The following RIMS1 variants were observed in gnomAD, a reference collection of about 807,000 sequenced individuals.
RIMS1 encodes the protein regulating synaptic membrane exocytosis protein 1.
Under a neutral mutation model 214.1 loss-of-function variants are expected in RIMS1, and 83 were observed. The observed-to-expected ratio is 0.39, with a 90% CI of 0.32 to 0.47. RIMS1 has a LOEUF of 0.47. Ranked by LOEUF, RIMS1 falls within the 20% of genes least tolerant of loss-of-function variation. The pLI, the probability that RIMS1 is intolerant of heterozygous loss-of-function variation, is 0.99. For synonymous variants in RIMS1, 793 were observed against 786.8 expected (o/e 1.01, Z -0.13); for missense variants, 2,050 against 2,161.8 (o/e 0.95, Z 1.03).
chr6:72,297,212 A>T (rs1006752146), intron 26 of RIMS1, among the ~76,000 whole-genome samples: 4 of 152,018 alleles, frequency 2.6e-5, no homozygotes, highest in African/African-American at 9.7e-5. Flanking sequence ...GATTTTGCAT[A>T]GATTTCTAGC....
chr6:72,258,185 A>G lies in RIMS1; in HGVS notation c.2831A>G (p.Gln944Arg). ...ACAACATTAACTGTGCCAGAACAGCAAAGAACAACTCATCACCGCTCACGT... is the reference window on the plus strand; with the variant it reads ...ACAACATTAACTGTGCCAGAACAGCGAAGAACAACTCATCACCGCTCACGT... ...KSTTLTVPEQ[Q>R]RTTHHRSRSV... is the part of the protein sequence containing the mutation. The change falls in exon 17 of 34, where the codon CAA (glutamine) becomes CGA (arginine). Residue 944 changes from glutamine (Q) to arginine (R), a missense_variant. Gln to Arg is a conservative substitution (Grantham distance 43). Coordinates refer to ENST00000521978, the MANE Select transcript of RIMS1 (RefSeq NM_014989.7). 1.2e-6 allele frequency: 2 copies of G among 1,613,402 alleles called. No individual in the cohort carries two copies. Among genetic ancestry groups the G allele is most frequent in the South Asian group, 1.1e-5 (1 of 91,044 alleles).
At chr6:72,006,373 A>C (rs1036191234) in intron 2 of RIMS1, among the ~76,000 whole-genome samples, 2 of 152,214 alleles carry the variant, frequency 1.3e-5, no homozygotes, top group African/African-American at 4.8e-5. Context: ...CCAAATAGGA[A>C]CAGCTCCAGT....
At chr6:71,912,377 T>C (rs1777176775) in intron 1 of RIMS1, among the ~76,000 whole-genome samples, 1 of 152,150 alleles carries the variant, frequency 6.6e-6, no homozygotes, top group Non-Finnish European at 1.5e-5. Context: ...TATTTCTTGC[T>C]TTGTTGTGTC....
intron 29 of RIMS1, among the ~76,000 whole-genome samples, chr6:72,337,103 G>A (rs1244913184): frequency 3.3e-5 from 5 of 151,730 alleles, no homozygotes; most frequent in East Asian, 1.9e-4. Context: ...AGGGTATGAC[G>A]TAGTAAAGAA....
At chr6:72,367,071 C>T (rs369116535) in intron 29 of RIMS1, among the ~76,000 whole-genome samples, 131 of 151,920 alleles carry the variant, frequency 8.6e-4, no homozygotes, top group East Asian at 5.4e-3. Context: ...ATGCAGTGGA[C>T]GAAATAATTA....
At chr6:72,390,758 G>C in intron 30 of RIMS1, 22 bp downstream of exon 30, 2 of 1,611,734 alleles carry the variant, frequency 1.2e-6, no homozygotes, top group Non-Finnish European at 1.7e-6. Context: ...CAGCACGTCT[G>C]CATGGCTGTG....
At position 72,291,956 on chromosome 6, in the gene RIMS1, A is replaced by G. The variant is rs752719281; in HGVS notation, c.3760A>G (p.Thr1254Ala). ...LTRMHRQRSP[T>A]QSPPADTSFS... is the part of the protein sequence containing the mutation. ...CAGAATGCACCGACAGAGAAGTCCA[A>G]CACAATCTCCTCCAGCAGACACATC... Residue 1254 changes from threonine to alanine, a missense_variant, in exon 26 of 34, where the codon ACA (threonine) becomes GCA (alanine). Physicochemically the swap from Thr to Ala is moderately conservative, Grantham distance 58. This residue lies in a region of RIMS1 where 889 missense variants were observed against 885.5 expected (regional missense o/e 1.00). Transcript: ENST00000521978. 2.6e-5 allele frequency: 41 copies of G among 1,561,434 alleles called. No individual in the cohort carries two copies. In the South Asian group the frequency reaches 3.1e-4, roughly 12 times the overall value.
chr6:72,290,962 C>T, intron 25 of RIMS1, 101 bp downstream of exon 25: 1 of 1,029,974 alleles, frequency 9.7e-7, no homozygotes, highest in Non-Finnish European at 1.4e-6. Flanking sequence ...CATTTTGACA[C>T]CATAACTTTT....
intron 2 of RIMS1, among the ~76,000 whole-genome samples, chr6:72,091,882 G>C (rs1034573934): frequency 6.6e-6 from 1 of 152,024 alleles, no homozygotes; most frequent in Admixed American, 6.6e-5. Flanking sequence ...TTCTAAAATC[G>C]AAGTGTACAA....
chr6:72,164,340 G>A (rs973789720), intron 4 of RIMS1, among the ~76,000 whole-genome samples: 10 of 152,102 alleles, frequency 6.6e-5, no homozygotes, highest in South Asian at 6.2e-4. Flanking sequence ...TGTGCTTCCT[G>A]GGTGAGGCAA....
intron 31 of RIMS1, among the ~76,000 whole-genome samples, chr6:72,395,327 C>G (rs758564462): frequency 6.7e-6 from 1 of 150,174 alleles, no homozygotes; most frequent in Admixed American, 6.8e-5. Flanking sequence ...CTGTACAAAA[C>G]AAACAAACAA....
At chr6:71,890,501 T>C (rs1444834497) in intron 1 of RIMS1, among the ~76,000 whole-genome samples, 1 of 118,806 alleles carries the variant, frequency 8.4e-6, no homozygotes, top group Non-Finnish European at 1.7e-5. Flanking sequence ...TTACATAGGC[T>C]GAAAACTGCA....
chr6:72,040,487 G>A (rs1054863380), intron 2 of RIMS1, among the ~76,000 whole-genome samples: 3 of 151,970 alleles, frequency 2.0e-5, no homozygotes, highest in African/African-American at 7.2e-5. Flanking sequence ...AGTTAAGCCT[G>A]AAGTCAAGTT....
chr6:72,170,076 G>A (rs568155380), intron 4 of RIMS1, among the ~76,000 whole-genome samples: 30 of 152,050 alleles, frequency 2.0e-4, no homozygotes, highest in African/African-American at 7.0e-4. Context: ...TCACTTACTC[G>A]GCTCCACCTG....
chr6:72,018,927 G>A (rs1813662186), intron 2 of RIMS1, among the ~76,000 whole-genome samples: 1 of 152,170 alleles, frequency 6.6e-6, no homozygotes, highest in Non-Finnish European at 1.5e-5. Context: ...AAGATGCTGA[G>A]TTGGAATGCA....
intron 8 of RIMS1, 63 bp downstream of exon 8, chr6:72,235,791 G>T: frequency 2.8e-6 from 2 of 725,610 alleles, no homozygotes; most frequent in Non-Finnish European, 4.1e-6. Context: ...GCATTCATCG[G>T]AGTTTCTGGC....
intron 29 of RIMS1, among the ~76,000 whole-genome samples, chr6:72,337,198 A>G (rs1057366089): frequency 1.3e-5 from 2 of 151,800 alleles, no homozygotes; most frequent in Non-Finnish European, 2.9e-5. Context: ...TGGGTTTTAA[A>G]ATGTAAAGTT....
intron 6 of RIMS1, among the ~76,000 whole-genome samples, chr6:72,222,403 T>A (rs1203081499): frequency 6.6e-6 from 1 of 152,070 alleles, no homozygotes; most frequent in African/African-American, 2.4e-5. Flanking sequence ...CATTTTTTTG[T>A]ACTGCATTCA....
chr6:72,239,578 GCAAT>G lies in RIMS1; in HGVS notation c.1957+1661_1957+1664del, dbSNP rs546405748. Among the ~76,000 whole-genome samples, 7 of 152,262 alleles carry G rather than the reference GCAAT, an allele frequency of 4.6e-5. No homozygotes were observed. The East Asian group carries it at 1.4e-3, about 29-fold the overall frequency. The stretch of plus-strand genomic sequence containing the variant: ...CATCCTTAGCCTATAAAACTACGGT[GCAAT>G]CAATGTGACTTTTATTTAACATTTG... On this transcript the variant is annotated intron_variant, in intron 9 of 33. Transcript: ENST00000521978.
Sources: allele counts gnomAD v4.1 joint callset (sites outside exome capture counted in the v4.1 genomes callset), GRCh38; gene constraint gnomAD v4.1.1; regional missense constraint gnomAD v4.1.1; transcripts MANE v1.5; gene names NCBI Gene and HGNC (gene_info 2026-07-23, HGNC 2026-07-21).